The following VWA3A variants were observed in gnomAD, a reference collection of about 807,000 sequenced individuals.
VWA3A encodes the protein von Willebrand factor A domain-containing protein 3A.
Under a neutral mutation model 160.4 loss-of-function variants are expected in VWA3A, and 134 were observed. That is an observed-to-expected ratio of 0.84 (90% CI 0.73 to 0.96). VWA3A has a LOEUF of 0.96. Ranked by LOEUF, VWA3A falls within the 40% of genes least tolerant of loss-of-function variation. The probability of loss-of-function intolerance (pLI) is 0.00; values close to 1 mark genes in which losing one functional copy is unlikely to be tolerated. For missense variants in VWA3A, 1,310 were observed against 1,447.9 expected (o/e 0.90, Z 1.55); for synonymous variants, 476 against 543.4 (o/e 0.88, Z 1.72).
In VWA3A at chr16:22,115,925, A is replaced by AAGGAAGGAAGGAAG. The variant is rs1567203063; in HGVS notation, c.815+453_815+454insAGGAAGGAAGGAAG. On this transcript the variant is annotated intron_variant, in intron 9 of 33. Transcript: ENST00000389398. ...AGGAAGGAAGGAAGGAAGGAAGGAAAGGAAAGGAAAGGAAGGGAGGAGGGG... is the reference window on the plus strand; with the variant it reads ...AGGAAGGAAGGAAGGAAGGAAGGAAAAGGAAGGAAGGAAGGGAAAGGAAAGGAAGGGAGGAGGGG... Among the ~76,000 whole-genome samples the AAGGAAGGAAGGAAG allele has an allele frequency of 6.3e-3, 116 of 18,460 alleles. 16 individuals carry two copies. The highest frequency in any genetic ancestry group is 6.9e-3 in the Non-Finnish European group (98 of 14,150). 12.1% of individuals were successfully genotyped at this position (18,460 alleles called of 152,430 possible).
At chr16:22,115,663 C>G (rs2045618686) in intron 9 of VWA3A, among the ~76,000 whole-genome samples, 191 bp downstream of exon 9, 1 of 145,778 alleles carries the variant, frequency 6.9e-6, no homozygotes, top group Non-Finnish European at 1.5e-5. Context: ...GAGACCCTAT[C>G]TCTTAAAAAA....
At chr16:22,126,040 CCA>C in intron 16 of VWA3A, 136 bp from the exon 17 acceptor site, 1 of 1,254,312 alleles carries the variant, frequency 8.0e-7, no homozygotes, top group South Asian at 1.3e-5. Flanking sequence ...TGGCCTCAAA[CCA>C]CAGAGAAGAT....
intron 31 of VWA3A, among the ~76,000 whole-genome samples, chr16:22,154,323 C>CTTTTTTTTTTTTTTTTTTTTTT (rs988862954): frequency 1.4e-5 from 1 of 73,904 alleles, no homozygotes. Context: ...TTTTCTTTTT[C>CTTTTTTTTTTTTTTTTTTTTTT]TTTTTTTTTT....
rs1215735002 is a variant in VWA3A at position 22,144,331 on chromosome 16, C to G, written c.2677C>G (p.Gln893Glu). The change falls in exon 26 of 34, where the codon CAG becomes GAG. Residue 893 changes from glutamine (Q) to glutamate (E), a missense_variant. Gln to Glu is a conservative substitution (Grantham distance 29). Coordinates refer to ENST00000389398, the MANE Select transcript of VWA3A (RefSeq NM_173615.5). ...CAACTGCACTCATCAAAAGTCAGGACAGAGGTCAGCATCCGCCAAACACTG... is the reference window on the plus strand; with the variant it reads ...CAACTGCACTCATCAAAAGTCAGGAGAGAGGTCAGCATCCGCCAAACACTG... ...GPNCTHQKSGQRSASAKHCSI... is the reference protein window; with the variant it reads ...GPNCTHQKSGERSASAKHCSI... 1 of 1,613,944 alleles carries G rather than the reference C, an allele frequency of 6.2e-7. No homozygotes were observed. The highest frequency in any genetic ancestry group is 8.5e-7 in the Non-Finnish European group (1 of 1,179,884).
Position 22,148,292 on chromosome 16 carries a change from G to A in VWA3A, c.2970G>A (p.Arg990=), listed in dbSNP as rs2046291409. Residue 990 remains arginine, a synonymous_variant, in exon 28 of 34, where the codon CGG becomes CGA. Transcript: ENST00000389398. ...TTTTGCTGATTTGGGAACAGCTGCG[G>A]AAGTGCTGTGACAGGTAGGAGGCGA... ...ELVLLIWEQL[R]KCCDSFNLLS... 1 of 1,595,746 alleles carries A rather than the reference G, an allele frequency of 6.3e-7. No homozygotes were observed. Among genetic ancestry groups the A allele is most frequent in the Non-Finnish European group, 8.5e-7 (1 of 1,171,434 alleles).
chr16:22,116,392 G>A (rs1229409056), intron 9 of VWA3A: 4 of 439,724 alleles, frequency 9.1e-6, no homozygotes, highest in Admixed American at 2.7e-5. Context: ...AGGAAGGAAA[G>A]AAGGAAGAGA....
intron 3 of VWA3A, 68 bp from the exon 4 acceptor site, chr16:22,100,126 G>C: frequency 6.8e-7 from 1 of 1,474,832 alleles, no homozygotes; most frequent in African/African-American, 1.4e-5. Flanking sequence ...TTGGGTATCT[G>C]TGTGAAGGGA....
chr16:22,113,282 C>T (rs1020008058), intron 8 of VWA3A, among the ~76,000 whole-genome samples: 8 of 148,968 alleles, frequency 5.4e-5, no homozygotes, highest in Non-Finnish European at 1.2e-4. Context: ...ACATCTGCTT[C>T]CTGGGTTCAA....
chr16:22,103,636 T>TA lies in VWA3A; in HGVS notation c.483+114dup, dbSNP rs565077485. Reference sequence around the variant, plus strand: ...GACCTCCAATATAAATTGCTTAAGCTAAAAAAAGGCATTTACTAACCTAAG... The same window carrying TA: ...GACCTCCAATATAAATTGCTTAAGCTAAAAAAAAGGCATTTACTAACCTAAG... On this transcript the variant is annotated intron_variant, in intron 6 of 33. Coordinates refer to ENST00000389398, the MANE Select transcript of VWA3A (RefSeq NM_173615.5). 237 of 1,335,228 alleles carry TA rather than the reference T, an allele frequency of 1.8e-4. 1 individual carries two copies. In the East Asian group the frequency reaches 5.1e-3, roughly 29 times the overall value. The allele number at this position is 1,335,228 out of a possible 1,614,324, so 82.7% of individuals were successfully genotyped here. A position where few individuals can be genotyped will look rare whatever the true frequency, so the allele number is the denominator to read the frequency against.
chr16:22,150,643 G>A (rs2046332132), intron 29 of VWA3A, 52 bp from the exon 30 acceptor site: 1 of 1,548,634 alleles, frequency 6.5e-7, no homozygotes, highest in Admixed American at 2.0e-5. Context: ...TGGTTCTTGT[G>A]TTCTGGGTGA....
At chr16:22,106,786 C>T (rs866777976) in intron 6 of VWA3A, among the ~76,000 whole-genome samples, 23 of 152,298 alleles carry the variant, frequency 1.5e-4, no homozygotes, top group Middle Eastern at 3.4e-3. Context: ...ACAGGACAAC[C>T]GCTCTGGGCG....
In VWA3A at chr16:22,155,486, G is replaced by T. The variant is rs1379098770; in HGVS notation, c.3406-81G>T. The T allele has an allele frequency of 2.4e-6, 3 of 1,232,782 alleles. No individual in the cohort carries two copies. The African/African-American group carries it at 4.5e-5, about 18-fold the overall frequency. The allele number at this position is 1,232,782 out of a possible 1,614,324, so 76.4% of individuals were successfully genotyped here. On this transcript the variant is annotated intron_variant, in intron 31 of 33. Transcript: ENST00000389398. The stretch of plus-strand genomic sequence containing the variant: ...CTGGATGGAAACCAGAACGTGATTA[G>T]CTCTAAAATGCTTTTCCTGAGATTT...
At chr16:22,093,033 T>C (rs1901391054) in intron 1 of VWA3A, among the ~76,000 whole-genome samples, 1 of 152,208 alleles carries the variant, frequency 6.6e-6, no homozygotes. Context: ...CATGGCCTGG[T>C]TGTTCTTTTC....
chr16:22,103,765 C>T (rs1373910386), intron 6 of VWA3A, among the ~76,000 whole-genome samples: 1 of 152,168 alleles, frequency 6.6e-6, no homozygotes, highest in African/African-American at 2.4e-5. Flanking sequence ...CAGGACATCT[C>T]TCTTCAGGCA....
At chr16:22,150,071 C>T (rs893924736) in intron 29 of VWA3A, 140 bp downstream of exon 29, 23 of 1,249,298 alleles carry the variant, frequency 1.8e-5, no homozygotes, top group African/African-American at 9.1e-5. Context: ...TCCCAACACC[C>T]GAGTGAGAAA....
intron 12 of VWA3A, among the ~76,000 whole-genome samples, chr16:22,119,272 G>A (rs2045696031): frequency 6.6e-6 from 1 of 152,180 alleles, no homozygotes; most frequent in Non-Finnish European, 1.5e-5. Context: ...TTCAGAGAAA[G>A]ACCAGCAGGC....
chr16:22,098,617 T>C lies in VWA3A; in HGVS notation c.225+922T>C, dbSNP rs960090196. On this transcript the variant is annotated intron_variant, in intron 3 of 33. Transcript: ENST00000389398. ...CTCCAACACGAAGATCTTACCATTC[T>C]CTATGCAAATGAACTAGTAGAGTTA... is the stretch of plus-strand genomic sequence containing the variant. 1.2e-3 allele frequency among the ~76,000 whole-genome samples: 187 copies of C among 152,178 alleles called. 1 individual carries two copies. Among genetic ancestry groups the C allele is most frequent in the Non-Finnish European group, 2.4e-4 (16 of 68,034 alleles).
chr16:22,131,089 A>G, intron 17 of VWA3A, 116 bp from the exon 18 acceptor site: 1 of 898,870 alleles, frequency 1.1e-6, no homozygotes, highest in Non-Finnish European at 1.8e-6. Context: ...ACATCCTCAC[A>G]TTTTAGGGGA....
In VWA3A at chr16:22,134,439, G is replaced by A; in HGVS notation, c.2139+1G>A. On this transcript the variant is annotated splice_donor_variant, in intron 21 of 33. Transcript: ENST00000389398. LOFTEE classifies it high-confidence loss of function. ...AAAGGCTCTCAACTACTCCCAAAAG[G>A]TATGCCCTGGGCATGGGCCAATGAC... 2.5e-6 allele frequency: 4 copies of A among 1,587,152 alleles called. No individual in the cohort carries two copies. Among genetic ancestry groups the A allele is most frequent in the Non-Finnish European group, 3.4e-6 (4 of 1,165,864 alleles).
Sources: allele counts gnomAD v4.1 joint callset (sites outside exome capture counted in the v4.1 genomes callset), GRCh38; gene constraint gnomAD v4.1.1; transcripts MANE v1.5; gene names NCBI Gene and HGNC (gene_info 2026-07-23, HGNC 2026-07-21).